The following CNPY1 variants were observed in gnomAD, a reference collection of about 807,000 sequenced individuals.
The protein encoded by CNPY1 is canopy FGF signaling regulator 1.
CNPY1 carries 14 observed loss-of-function variants against 14.4 expected under a neutral mutation model. The observed-to-expected ratio is 0.97, with a 90% confidence interval of 0.64 to 1.52. The LOEUF (loss-of-function observed/expected upper bound fraction) is 1.52, where lower values mean the gene tolerates loss of function less well. Ranked by LOEUF, CNPY1 falls within the 40% of genes most tolerant of loss-of-function variation. CNPY1 has a pLI of 0.00. For missense variants in CNPY1, 129 were observed against 131.5 expected, an observed-to-expected ratio of 0.98 and a Z score of 0.09; for synonymous variants, 43 against 46.5, an observed-to-expected ratio of 0.92 and a Z score of 0.31.
Position 155,518,800 on chromosome 7 carries a change from C to T in CNPY1, c.100-9703G>A, listed in dbSNP as rs559591791. On this transcript the variant is annotated intron_variant, in intron 2 of 4. Coordinates refer to ENST00000636446, the MANE Select transcript of CNPY1 (RefSeq NM_001393663.1). ...GAGTGGTGTCCGGGGTCTCACCCTG[C>T]AGGACTGGATTCCAGTACTCAGGGA... Among the ~76,000 whole-genome samples, 3 of 152,300 alleles carry T rather than the reference C, an allele frequency of 2.0e-5. No individual in the cohort carries two copies. The South Asian group carries it at 6.2e-4, about 32-fold the overall frequency.
intron 2 of CNPY1, among the ~76,000 whole-genome samples, chr7:155,539,706 A>C (rs1361904515): frequency 6.6e-6 from 1 of 152,194 alleles, no homozygotes; most frequent in Non-Finnish European, 1.5e-5. Context: ...AAGCAGACAA[A>C]CATTCATGTG....
At chr7:155,535,793 G>A (rs1396918873) in intron 2 of CNPY1, among the ~76,000 whole-genome samples, 2 of 152,170 alleles carry the variant, frequency 1.3e-5, no homozygotes, top group Non-Finnish European at 2.9e-5. Flanking sequence ...CGTGTCATTG[G>A]ATGCATTCAT....
chr7:155,511,174 A>C (rs890100147), intron 2 of CNPY1, among the ~76,000 whole-genome samples: 1 of 152,022 alleles, frequency 6.6e-6, no homozygotes, highest in African/African-American at 2.4e-5. Context: ...AACATACTTG[A>C]TACTTGGGGG....
At chr7:155,538,959 C>T (rs754038895) in intron 2 of CNPY1, among the ~76,000 whole-genome samples, 4 of 152,172 alleles carry the variant, frequency 2.6e-5, no homozygotes, top group Non-Finnish European at 5.9e-5. Flanking sequence ...CCAAAGGAGA[C>T]CAGTGCCAGG....
At chr7:155,527,590 C>T (rs1208892856) in intron 2 of CNPY1, among the ~76,000 whole-genome samples, 3 of 150,520 alleles carry the variant, frequency 2.0e-5, no homozygotes, top group Admixed American at 6.6e-5. Context: ...CACAAGTACA[C>T]GCCACCACAC....
At chr7:155,526,995 G>A (rs986615226) in intron 2 of CNPY1, among the ~76,000 whole-genome samples, 2 of 145,140 alleles carry the variant, frequency 1.4e-5, no homozygotes, top group African/African-American at 5.0e-5. Flanking sequence ...ACTGGAAAAT[G>A]TCCATATCCT....
chr7:155,546,551 GAGT>G lies in CNPY1; in HGVS notation c.-140_-138del. The G allele has an allele frequency of 2.6e-6, 1 of 390,568 alleles. No individual in the cohort carries two copies. The highest frequency in any genetic ancestry group is 4.4e-5 in the Admixed American group (1 of 22,550). 24.2% of individuals were successfully genotyped at this position (390,568 alleles called of 1,614,324 possible). A position where few individuals can be genotyped will look rare whatever the true frequency, so the allele number is the denominator to read the frequency against. On this transcript the variant is annotated 5_prime_UTR_variant, in exon 1 of 5. Coordinates refer to ENST00000636446, the MANE Select transcript of CNPY1 (RefSeq NM_001393663.1). ...GAGTCTTGCTCTGTCACCCAGGCTG[GAGT>G]GCAGTGGTGCAATCTCAGCTCACTG... is the stretch of plus-strand genomic sequence containing the variant.
chr7:155,513,111 ACTG>A (rs1203949172), intron 2 of CNPY1, among the ~76,000 whole-genome samples: 3 of 152,216 alleles, frequency 2.0e-5, no homozygotes, highest in Non-Finnish European at 2.9e-5. Context: ...ATGTTAATTG[ACTG>A]CTATGAGTTT....
At chr7:155,535,474 G>A (rs1797012774) in intron 2 of CNPY1, among the ~76,000 whole-genome samples, 1 of 152,148 alleles carries the variant, frequency 6.6e-6, no homozygotes, top group African/African-American at 2.4e-5. Flanking sequence ...ACACACACAA[G>A]GCATAAGGAT....
chr7:155,538,072 T>C (rs1797043907), intron 2 of CNPY1, among the ~76,000 whole-genome samples: 1 of 152,220 alleles, frequency 6.6e-6, no homozygotes, highest in South Asian at 2.1e-4. Context: ...ATAACCTCTT[T>C]TTTGCACTTA....
chr7:155,537,414 TTTTTC>T (rs1433531356), intron 2 of CNPY1, among the ~76,000 whole-genome samples: 15 of 151,584 alleles, frequency 9.9e-5, no homozygotes, highest in Admixed American at 3.3e-4. Flanking sequence ...TGTGGAATTT[TTTTTC>T]TTTTCTTTTT....
intron 2 of CNPY1, among the ~76,000 whole-genome samples, chr7:155,522,595 A>T (rs1434259708): frequency 6.6e-6 from 1 of 152,232 alleles, no homozygotes; most frequent in African/African-American, 2.4e-5. Context: ...AAGATAAACC[A>T]GGTCTATCTG....
At chr7:155,541,253 C>A (rs1797081020) in intron 2 of CNPY1, among the ~76,000 whole-genome samples, 1 of 152,218 alleles carries the variant, frequency 6.6e-6, no homozygotes, top group East Asian at 1.9e-4. Context: ...GAGCTCCCAG[C>A]CTATCATGAA....
At chr7:155,526,598 T>A in intron 2 of CNPY1, among the ~76,000 whole-genome samples, 1 of 151,858 alleles carries the variant, frequency 6.6e-6, no homozygotes, top group East Asian at 1.9e-4. Context: ...AAATAAGAAA[T>A]CCAAATAGCA....
intron 2 of CNPY1, among the ~76,000 whole-genome samples, chr7:155,538,840 C>T (rs1032207296): frequency 1.1e-4 from 17 of 152,334 alleles, no homozygotes; most frequent in East Asian, 5.8e-4. Flanking sequence ...CTCTCTGAGA[C>T]GTGGCGTTCA....
intron 2 of CNPY1, among the ~76,000 whole-genome samples, chr7:155,515,293 C>T (rs893741864): frequency 1.0e-4 from 5 of 48,150 alleles, no homozygotes; most frequent in African/African-American, 2.7e-4. Context: ...GTCTCAAGGC[C>T]GCCCCCCCCC....
At position 155,505,387 on chromosome 7, in the gene CNPY1, C is replaced by T. The variant is rs539525199; in HGVS notation, c.400+1633G>A. Among the ~76,000 whole-genome samples, 13 of 152,328 alleles carry T rather than the reference C, an allele frequency of 8.5e-5. No individual in the cohort carries two copies. The South Asian group carries it at 2.7e-3, about 32-fold the overall frequency. On this transcript the variant is annotated intron_variant, in intron 4 of 4. Coordinates refer to ENST00000636446, the MANE Select transcript of CNPY1 (RefSeq NM_001393663.1). ...CTCATCAGGTTTCATTTTATACTTGCAAAATTGCACCTATCTTAGGTTTAT... is the reference window on the plus strand; with the variant it reads ...CTCATCAGGTTTCATTTTATACTTGTAAAATTGCACCTATCTTAGGTTTAT...
chr7:155,541,640 C>A (rs1446260052), intron 2 of CNPY1, among the ~76,000 whole-genome samples: 1 of 152,238 alleles, frequency 6.6e-6, no homozygotes, highest in Non-Finnish European at 1.5e-5. Flanking sequence ...AGAGCCCCCG[C>A]AGTCTGCTGA....
Position 155,503,087 on chromosome 7 carries a change from G to C in CNPY1, c.419C>G (p.Ala140Gly), listed in dbSNP as rs746885961. ...GCACTCCTAGAGCTCAGTATGATTAGCAGAAGTTTCACACAGATCTGGAAA... is the reference window on the plus strand; with the variant it reads ...GCACTCCTAGAGCTCAGTATGATTACCAGAAGTTTCACACAGATCTGGAAA... ...SEKSDLCETS[A>G]NHTEL The change falls in exon 5 of 5, where the codon GCT becomes GGT. Residue 140 changes from alanine to glycine, a missense_variant. By Grantham distance (60) the Ala-to-Gly change is moderately conservative (BLOSUM62 0). Transcript: ENST00000636446. 6.2e-7 allele frequency: 1 copy of C among 1,600,870 alleles called. No homozygotes were observed. Among genetic ancestry groups the C allele is most frequent in the Admixed American group, 1.7e-5 (1 of 59,166 alleles).
Sources: gnomAD v4.1 joint callset for allele counts (sites outside exome capture counted in the v4.1 genomes callset) on GRCh38, gnomAD v4.1.1 for gene constraint, MANE v1.5 for transcripts, NCBI Gene and HGNC (gene_info 2026-07-23, HGNC 2026-07-21) for gene names.